Variants in GPC6 observed in about 807,000 individuals in gnomAD.
The protein encoded by GPC6 is glypican-6.
A neutral mutation model predicts 55.2 loss-of-function variants in GPC6; 14 were observed. That is an observed-to-expected ratio of 0.25 (90% confidence interval 0.17 to 0.40). The LOEUF (loss-of-function observed/expected upper bound fraction) is 0.40. Among genes scored for constraint, GPC6 ranks in the 10% least tolerant of loss-of-function variants. GPC6 has a pLI of 1.00. For missense variants in GPC6, 641 were observed against 708.5 expected (o/e 0.90, Z 1.08); for synonymous variants, 278 against 259.6 (o/e 1.07, Z -0.68).
chr13:94,251,647 A>G (rs981686053), intron 4 of GPC6, among the ~76,000 whole-genome samples: 2 of 152,054 alleles, frequency 1.3e-5, no homozygotes, highest in African/African-American at 4.8e-5. Context: ...CAACTTGTGA[A>G]AATAACTGAA....
At chr13:93,256,995 C>T (rs1281598308) in intron 1 of GPC6, among the ~76,000 whole-genome samples, 2 of 151,820 alleles carry the variant, frequency 1.3e-5, no homozygotes, top group Non-Finnish European at 2.9e-5. Flanking sequence ...TTGCCTGTAA[C>T]TTTGTGAAAA....
chr13:94,267,884 A>G (rs1891867441), intron 4 of GPC6, among the ~76,000 whole-genome samples: 1 of 152,198 alleles, frequency 6.6e-6, no homozygotes, highest in Non-Finnish European at 1.5e-5. Flanking sequence ...CCCCCATTGC[A>G]GTTTATTTAT....
chr13:94,247,759 G>C (rs1428564537), intron 4 of GPC6, among the ~76,000 whole-genome samples: 2 of 152,022 alleles, frequency 1.3e-5, no homozygotes, highest in African/African-American at 4.8e-5. Flanking sequence ...TCCTAATACT[G>C]TAATGAGAAT....
chr13:93,441,507 G>A (rs532145404), intron 1 of GPC6, among the ~76,000 whole-genome samples: 4 of 152,264 alleles, frequency 2.6e-5, no homozygotes, highest in Non-Finnish European at 5.9e-5. Context: ...AGAAGTCTCT[G>A]TTCATATCCT....
intron 4 of GPC6, among the ~76,000 whole-genome samples, chr13:94,270,006 A>G (rs1021878214): frequency 1.3e-5 from 2 of 152,146 alleles, no homozygotes; most frequent in African/African-American, 4.8e-5. Context: ...GGGGAAACAA[A>G]TGATCTGTTT....
intron 4 of GPC6, among the ~76,000 whole-genome samples, chr13:94,061,574 A>G (rs1165157590): frequency 2.0e-5 from 3 of 151,994 alleles, no homozygotes; most frequent in African/African-American, 4.8e-5. Flanking sequence ...TCCAACACAC[A>G]CAGGCATGGA....
chr13:93,948,817 T>A (rs1879124704), intron 3 of GPC6, among the ~76,000 whole-genome samples: 1 of 152,226 alleles, frequency 6.6e-6, no homozygotes, highest in Non-Finnish European at 1.5e-5. Flanking sequence ...CAGCCAGGAT[T>A]ATTGATGAAT....
chr13:93,343,432 T>C (rs1047276430), intron 1 of GPC6, among the ~76,000 whole-genome samples: 5 of 152,186 alleles, frequency 3.3e-5, no homozygotes, highest in African/African-American at 4.8e-5. Context: ...AACTGGTTTA[T>C]GGTACCCCAG....
chr13:93,878,248 C>G (rs1419125551), intron 3 of GPC6, among the ~76,000 whole-genome samples: 1 of 151,902 alleles, frequency 6.6e-6, no homozygotes. Flanking sequence ...AAAGGTGGGG[C>G]ATTTAGGAGG....
At chr13:93,797,844 G>A (rs573200316) in intron 2 of GPC6, among the ~76,000 whole-genome samples, 8 of 152,216 alleles carry the variant, frequency 5.3e-5, no homozygotes, top group Admixed American at 2.0e-4. Flanking sequence ...TGACTGTTTC[G>A]AACATGTGAA....
chr13:93,428,684 G>A (rs10508002), intron 1 of GPC6, among the ~76,000 whole-genome samples: 31,311 of 151,996 alleles, frequency 0.21, 3,422 homozygotes, highest in Middle Eastern at 0.28. Context: ...AGGGATATTA[G>A]ATCATCTCTT....
intron 1 of GPC6, among the ~76,000 whole-genome samples, chr13:93,276,893 C>T (rs1877774322): frequency 6.6e-6 from 1 of 152,158 alleles, no homozygotes; most frequent in South Asian, 2.1e-4. Context: ...TCTTAGGTGA[C>T]TTGCAAAGAA....
chr13:93,932,844 ATAAACT>A (rs1878244086), intron 3 of GPC6, among the ~76,000 whole-genome samples: 1 of 152,192 alleles, frequency 6.6e-6, no homozygotes, highest in African/African-American at 2.4e-5. Context: ...ACAAATGACC[ATAAACT>A]TAAACTAATG....
rs187687508 is a variant in GPC6, at chr13:93,699,031, G to A, written c.320-131123G>A. 3.9e-3 allele frequency among the ~76,000 whole-genome samples: 600 copies of A among 152,192 alleles called. 2 individuals carry two copies. Among genetic ancestry groups the A allele is most frequent in the Admixed American group, 8.1e-3 (124 of 15,248 alleles). Reference sequence around the variant, plus strand: ...TTTCAGCACAACTTTTAATGGGAACGAAGTAGAATATCCAGCAGTCCATGA... The same window carrying A: ...TTTCAGCACAACTTTTAATGGGAACAAAGTAGAATATCCAGCAGTCCATGA... On this transcript the variant is annotated intron_variant, in intron 2 of 8. Transcript: ENST00000377047.
At chr13:93,550,592 C>T (rs1875093847) in intron 2 of GPC6, among the ~76,000 whole-genome samples, 3 of 152,126 alleles carry the variant, frequency 2.0e-5, no homozygotes, top group Admixed American at 2.0e-4. Flanking sequence ...AATATTTTTA[C>T]ACTGCAAATC....
chr13:94,327,336 G>A (rs1005419714), intron 6 of GPC6, among the ~76,000 whole-genome samples: 9 of 152,106 alleles, frequency 5.9e-5, no homozygotes, highest in African/African-American at 2.2e-4. Context: ...GCATCTCATT[G>A]CAGATGTTTT....
At chr13:93,912,114 A>T (rs905482003) in intron 3 of GPC6, among the ~76,000 whole-genome samples, 1 of 152,320 alleles carries the variant, frequency 6.6e-6, no homozygotes, top group South Asian at 2.1e-4. Context: ...AATGGGATCC[A>T]TTCTTAGGCT....
chr13:93,429,512 C>T (rs1877276970), intron 1 of GPC6, among the ~76,000 whole-genome samples: 1 of 152,130 alleles, frequency 6.6e-6, no homozygotes, highest in African/African-American at 2.4e-5. Flanking sequence ...TTGCCTCTGT[C>T]TTTCCCTTTG....
intron 2 of GPC6, among the ~76,000 whole-genome samples, chr13:93,756,213 G>A (rs1033082967): frequency 1.3e-5 from 2 of 152,138 alleles, no homozygotes; most frequent in Non-Finnish European, 2.9e-5. Context: ...TTTGGAGCAA[G>A]GCAGTTATTA....
Sources: gnomAD v4.1 joint callset for allele counts (sites outside exome capture counted in the v4.1 genomes callset) on GRCh38, gnomAD v4.1.1 for gene constraint, MANE v1.5 for transcripts, NCBI Gene and HGNC (gene_info 2026-07-23, HGNC 2026-07-21) for gene names.